CSPP1: variants seen among roughly 807,000 people sequenced by gnomAD.
CSPP1 encodes centrosome and spindle pole associated protein 1.
In CSPP1, 126 loss-of-function variants were observed where a neutral mutation model predicts 164.4. The observed-to-expected ratio is 0.77, with a 90% CI of 0.66 to 0.89. CSPP1 has a LOEUF of 0.89. Among genes scored for constraint, CSPP1 ranks in the 40% least tolerant of loss-of-function variants. The pLI, the probability that CSPP1 is intolerant of heterozygous loss-of-function variation, is 0.00. For missense variants in CSPP1, 1,395 were observed against 1,449.8 expected, an observed-to-expected ratio of 0.96 and a Z score of 0.61; for synonymous variants, 472 against 476.7, an observed-to-expected ratio of 0.99 and a Z score of 0.13.
chr8:67,163,897 AGAGCGGTTAGGTGCTGTG>A (rs1416467768), intron 23 of CSPP1, 99 bp downstream of exon 23: 19 of 942,978 alleles, frequency 2.0e-5, no homozygotes, highest in Non-Finnish European at 2.9e-5. Context: ...GAAACAGTAT[AGAGCGGTTAGGTGCTGTG>A]TACCCATTCT....
chr8:67,180,078 A>G (rs999812617), intron 28 of CSPP1, 152 bp downstream of exon 28: 2 of 511,562 alleles, frequency 3.9e-6, no homozygotes, highest in Non-Finnish European at 6.8e-6. Flanking sequence ...TGCCTTGGAA[A>G]GTTTTCAAAA....
chr8:67,185,034 G>A (rs1451302993), intron 28 of CSPP1, among the ~76,000 whole-genome samples: 3 of 149,988 alleles, frequency 2.0e-5, no homozygotes, highest in Non-Finnish European at 4.4e-5. Flanking sequence ...GAACCCGGGA[G>A]GCGGAGCTTG....
At position 67,132,013 on chromosome 8, in the gene CSPP1, T is replaced by C; in HGVS notation, c.1760T>C (p.Ile587Thr). The part of the protein sequence containing the change: ...TSDQVINSGL[I>T]FEDKPKPSKQ... ...GATCAAGTGATAAATTCAGGATTGA[T>C]TTTTGAAGATAAACCGAAACCTTCC... is the stretch of plus-strand genomic sequence containing the variant. The change falls in exon 16 of 31, where the codon ATT (isoleucine) becomes ACT (threonine). Residue 587 changes from isoleucine to threonine, a missense_variant. Physicochemically the swap from Ile to Thr is moderately conservative, Grantham distance 89 (BLOSUM62 -1). Coordinates refer to ENST00000678616, the MANE Select transcript of CSPP1 (RefSeq NM_001382391.1). The C allele has an allele frequency of 1.2e-6, 2 of 1,613,834 alleles. No individual in the cohort carries two copies. Among genetic ancestry groups the C allele is most frequent in the Non-Finnish European group, 8.5e-7 (1 of 1,179,830 alleles).
At chr8:67,116,234 TAAC>T (rs1387214111) in intron 13 of CSPP1, 112 bp downstream of exon 13, 1 of 731,162 alleles carries the variant, frequency 1.4e-6, no homozygotes, top group Admixed American at 2.7e-5. Flanking sequence ...TTTGTACAGT[TAAC>T]AGTTTTGTGA....
Position 67,161,887 on chromosome 8 carries a change from T to C in CSPP1, c.2615T>C (p.Val872Ala). The C allele has an allele frequency of 1.9e-6, 3 of 1,611,800 alleles. No individual in the cohort carries two copies. The highest frequency in any genetic ancestry group is 1.7e-6 in the Non-Finnish European group (2 of 1,177,976). Residue 872 changes from valine to alanine, a missense_variant, in exon 22 of 31, where the codon GTT (valine) becomes GCT (alanine). Coordinates refer to ENST00000678616, the MANE Select transcript of CSPP1 (RefSeq NM_001382391.1). ...AGCAAACTCCAAAGACCTCCTTCAG[T>C]TGACAGCATCATACGTTCCTTTATT... is the stretch of plus-strand genomic sequence containing the variant. Reference protein sequence around the residue: ...IASKLQRPPSVDSIIRSFIHE... With the variant: ...IASKLQRPPSADSIIRSFIHE...
intron 29 of CSPP1, among the ~76,000 whole-genome samples, chr8:67,191,780 T>C (rs1836326814): frequency 6.6e-6 from 1 of 152,192 alleles, no homozygotes; most frequent in Admixed American, 6.5e-5. Context: ...TAGAAGGAAA[T>C]TGTTGGGTTA....
At chr8:67,071,835 A>C (rs1410080551) in intron 1 of CSPP1, among the ~76,000 whole-genome samples, 1 of 152,216 alleles carries the variant, frequency 6.6e-6, no homozygotes, top group African/African-American at 2.4e-5. Context: ...ATGGTGCTGG[A>C]ATACTCTATT....
chr8:67,155,832 A>G (rs1010130245), intron 19 of CSPP1, among the ~76,000 whole-genome samples: 3 of 152,180 alleles, frequency 2.0e-5, no homozygotes, highest in African/African-American at 7.2e-5. Context: ...AGGATTAAAA[A>G]GAGTGGAAGC....
In CSPP1 at chr8:67,116,006, C is replaced by T. The variant is rs1817856037; in HGVS notation, c.1380C>T (p.Leu460=). The T allele has an allele frequency of 1.2e-6, 2 of 1,613,786 alleles. No individual in the cohort carries two copies. The highest frequency in any genetic ancestry group is 1.7e-5 in the Admixed American group (1 of 59,992). ...ERPRIAFQTP[L]PPLSAPSVPP... is the part of the protein sequence containing the mutation. ...CCAGAATAGCTTTCCAGACACCTCT[C>T]CCTCCTTTATCTGCCCCATCTGTCC... The change falls in exon 13 of 31, where the codon CTC becomes CTT. Residue 460 remains leucine, a synonymous_variant. Transcript: ENST00000678616.
In CSPP1 at chr8:67,195,630, G is replaced by A; in HGVS notation, c.*37G>A. The A allele has an allele frequency of 1.3e-6, 2 of 1,571,280 alleles. No homozygotes were observed. The highest frequency in any genetic ancestry group is 1.7e-6 in the Non-Finnish European group (2 of 1,143,804). On this transcript the variant is annotated 3_prime_UTR_variant, in exon 31 of 31. Coordinates refer to ENST00000678616, the MANE Select transcript of CSPP1 (RefSeq NM_001382391.1). ...ACTGGACCCAGTAGTGCCTTTTAAG[G>A]TGAAAGGAATGGTAAATCTGTACCT...
At chr8:67,187,028 A>G (rs1226547103) in intron 28 of CSPP1, among the ~76,000 whole-genome samples, 1 of 151,662 alleles carries the variant, frequency 6.6e-6, no homozygotes, top group East Asian at 1.9e-4. Context: ...CTATCTATCT[A>G]GAACTGCCTG....
chr8:67,175,487 G>C, intron 26 of CSPP1, 51 bp downstream of exon 26: 1 of 1,602,260 alleles, frequency 6.2e-7, no homozygotes, highest in Non-Finnish European at 8.5e-7. Context: ...CTGTTTTTCC[G>C]TAGGCTTTCT....
chr8:67,131,946 T>C lies in CSPP1; in HGVS notation c.1698-5T>C. ...TTTAAATTATTTATTGTGTATTTGATGTAGGAATACGGTTGGACAGAATGA... is the reference window on the plus strand; with the variant it reads ...TTTAAATTATTTATTGTGTATTTGACGTAGGAATACGGTTGGACAGAATGA... On this transcript the variant is annotated splice_region_variant and splice_polypyrimidine_tract_variant and intron_variant, in intron 15 of 30. Transcript: ENST00000678616. The C allele has an allele frequency of 6.3e-7, 1 of 1,591,726 alleles. No individual in the cohort carries two copies. Among genetic ancestry groups the C allele is most frequent in the Non-Finnish European group, 8.6e-7 (1 of 1,169,388 alleles).
At chr8:67,118,653 A>G in intron 14 of CSPP1, 90 bp from the exon 15 acceptor site, 1 of 916,650 alleles carries the variant, frequency 1.1e-6, no homozygotes. Flanking sequence ...TAACATTTTG[A>G]TTATGCACCT....
At chr8:67,194,331 G>GA (rs1837270112) in intron 30 of CSPP1, among the ~76,000 whole-genome samples, 1 of 152,114 alleles carries the variant, frequency 6.6e-6, no homozygotes, top group Admixed American at 6.5e-5. Flanking sequence ...GATTTTTTTA[G>GA]ATCCTACCTT....
intron 28 of CSPP1, among the ~76,000 whole-genome samples, chr8:67,181,817 G>C (rs549904503): frequency 6.6e-6 from 1 of 152,200 alleles, no homozygotes; most frequent in African/African-American, 2.4e-5. Context: ...ATATGAAACA[G>C]TAATTCCCCA....
intron 17 of CSPP1, among the ~76,000 whole-genome samples, chr8:67,145,530 T>G (rs946837902): frequency 2.6e-5 from 4 of 151,788 alleles, no homozygotes; most frequent in Non-Finnish European, 1.5e-5. Flanking sequence ...CTTTTTTTTT[T>G]GTTTTTGTTT....
intron 30 of CSPP1, among the ~76,000 whole-genome samples, chr8:67,194,995 A>G (rs1266336277): frequency 6.6e-6 from 1 of 152,090 alleles, no homozygotes; most frequent in Non-Finnish European, 1.5e-5. Flanking sequence ...AAAAAGAAAA[A>G]AGAAAGAAAT....
intron 28 of CSPP1, among the ~76,000 whole-genome samples, chr8:67,187,819 C>A (rs78249722): frequency 0.015 from 2,298 of 152,268 alleles, 61 homozygotes; most frequent in African/African-American, 0.053. Context: ...AATGCTGGGA[C>A]AACAGGACAT....
Sources: gnomAD v4.1 joint callset for allele counts (sites outside exome capture counted in the v4.1 genomes callset) on GRCh38, gnomAD v4.1.1 for gene constraint, MANE v1.5 for transcripts, NCBI Gene and HGNC (gene_info 2026-07-23, HGNC 2026-07-21) for gene names.